The following SLC35F3 variants were observed in gnomAD, a reference collection of about 807,000 sequenced individuals.
SLC35F3 encodes the protein putative thiamine transporter SLC35F3.
In SLC35F3, 25 loss-of-function variants were observed where a neutral mutation model predicts 49.9. That is an observed-to-expected ratio of 0.50 (90% CI 0.37 to 0.70). The LOEUF (loss-of-function observed/expected upper bound fraction) is 0.70. SLC35F3 is among the 30% of genes least tolerant of loss of function. The pLI, the probability that SLC35F3 is intolerant of heterozygous loss-of-function variation, is 0.00. For synonymous variants in SLC35F3, 275 were observed against 265.4 expected (o/e 1.04, Z -0.35); for missense variants, 525 against 639.8 (o/e 0.82, Z 1.94).
At chr1:234,240,007 T>C (rs1667529283) in intron 3 of SLC35F3, among the ~76,000 whole-genome samples, 1 of 152,142 alleles carries the variant, frequency 6.6e-6, no homozygotes, top group Non-Finnish European at 1.5e-5. Flanking sequence ...GTGTAAAAAG[T>C]TCTAAACTGT....
chr1:233,993,471 AT>A (rs1663400032), intron 2 of SLC35F3, among the ~76,000 whole-genome samples: 1 of 152,210 alleles, frequency 6.6e-6, no homozygotes, highest in Non-Finnish European at 1.5e-5. Flanking sequence ...ATTCATCAAA[AT>A]TCTCTTTTAA....
At chr1:234,065,003 G>A (rs765681752) in intron 2 of SLC35F3, among the ~76,000 whole-genome samples, 29 of 152,174 alleles carry the variant, frequency 1.9e-4, no homozygotes, top group Non-Finnish European at 1.8e-4. Flanking sequence ...AAGTAACCTG[G>A]TTATAACAAA....
Position 234,204,212 on chromosome 1 carries a change from AAAAAAAAATAGAAACGGTG to A in SLC35F3, c.284-27202_284-27184del, listed in dbSNP as rs1666939518. Among the ~76,000 whole-genome samples the A allele has an allele frequency of 2.6e-5, 4 of 151,406 alleles. No homozygotes were observed. The East Asian group carries it at 5.8e-4, about 22-fold the overall frequency. ...ATATTCACATCAGTTTATTTTTTAGAAAAAAAAATAGAAACGGTGAATAAGAGGCCAGAACTTTGATATA... is the reference window on the plus strand; with the variant it reads ...ATATTCACATCAGTTTATTTTTTAGAAATAAGAGGCCAGAACTTTGATATA... On this transcript the variant is annotated intron_variant, in intron 2 of 7. Coordinates refer to ENST00000366618, the MANE Select transcript of SLC35F3 (RefSeq NM_173508.4).
intron 2 of SLC35F3, among the ~76,000 whole-genome samples, chr1:233,954,395 C>T (rs1312092489): frequency 6.6e-6 from 1 of 152,108 alleles, no homozygotes; most frequent in African/African-American, 2.4e-5. Context: ...GGCCAAATGC[C>T]CTGCACCATG....
At chr1:234,272,389 A>C (rs997906840) in intron 3 of SLC35F3, 5 of 152,242 alleles carry the variant, frequency 3.3e-5, no homozygotes, top group African/African-American at 1.2e-4. Context: ...CAAGTTAAGA[A>C]GTAGCACTTC....
intron 2 of SLC35F3, among the ~76,000 whole-genome samples, chr1:234,066,652 C>G (rs565476392): frequency 2.2e-4 from 34 of 152,242 alleles, no homozygotes; most frequent in Non-Finnish European, 4.7e-4. Context: ...TGCCCCTGCC[C>G]TACTTCTCAA....
At chr1:234,053,564 T>C (rs1402085902) in intron 2 of SLC35F3, among the ~76,000 whole-genome samples, 1 of 152,200 alleles carries the variant, frequency 6.6e-6, no homozygotes, top group Non-Finnish European at 1.5e-5. Context: ...CTCCTGAATA[T>C]AGCACACTGT....
intron 2 of SLC35F3, among the ~76,000 whole-genome samples, chr1:233,913,697 C>T (rs750371861): frequency 7.2e-5 from 11 of 152,202 alleles, no homozygotes; most frequent in Non-Finnish European, 1.5e-4. Flanking sequence ...TCTGTAGGGT[C>T]GTCCAGAATT....
At chr1:233,977,216 G>A (rs1663106852) in intron 2 of SLC35F3, among the ~76,000 whole-genome samples, 1 of 152,220 alleles carries the variant, frequency 6.6e-6, no homozygotes, top group Non-Finnish European at 1.5e-5. Flanking sequence ...TTGGAGCCTG[G>A]TGCTTCCCTT....
chr1:234,100,877 A>G (rs1205396929), intron 2 of SLC35F3, among the ~76,000 whole-genome samples: 3 of 152,148 alleles, frequency 2.0e-5, no homozygotes, highest in Non-Finnish European at 4.4e-5. Context: ...TAACTAGGCT[A>G]CTTTGTGATT....
chr1:234,020,945 A>G (rs982014130), intron 2 of SLC35F3, among the ~76,000 whole-genome samples: 1 of 152,212 alleles, frequency 6.6e-6, no homozygotes, highest in African/African-American at 2.4e-5. Flanking sequence ...CGAAATGCAA[A>G]ATTGATGTGG....
intron 2 of SLC35F3, among the ~76,000 whole-genome samples, chr1:234,040,436 CT>C (rs1664202830): frequency 6.6e-6 from 1 of 152,184 alleles, no homozygotes; most frequent in South Asian, 2.1e-4. Flanking sequence ...AGGTTTCAGG[CT>C]TTTTGACTTG....
intron 2 of SLC35F3, among the ~76,000 whole-genome samples, chr1:234,000,468 C>A (rs527731297): frequency 1.3e-5 from 2 of 152,290 alleles, no homozygotes; most frequent in Admixed American, 1.3e-4. Flanking sequence ...TCTTAATGTG[C>A]TTGGCCCAGT....
intron 2 of SLC35F3, among the ~76,000 whole-genome samples, chr1:234,029,557 A>G (rs1270748823): frequency 6.6e-6 from 1 of 152,168 alleles, no homozygotes; most frequent in African/African-American, 2.4e-5. Context: ...GGGAGACTAC[A>G]TTTACTGACA....
intron 3 of SLC35F3, among the ~76,000 whole-genome samples, chr1:234,247,307 G>A (rs61823368): frequency 6.6e-6 from 1 of 152,392 alleles, no homozygotes; most frequent in African/African-American, 2.4e-5. Context: ...TGTTGGGTTG[G>A]TCAGTTGATT....
intron 2 of SLC35F3, among the ~76,000 whole-genome samples, chr1:234,229,304 CAGTGTAGTGAGTTTGGTTCTA>C (rs1451048910): frequency 1.3e-5 from 2 of 151,610 alleles, no homozygotes; most frequent in African/African-American, 4.9e-5. Flanking sequence ...TTTCAAATAA[CAGTGTAGTGAGTTTGGTTCTA>C]AGTGTCTTAA....
chr1:234,062,760 A>C (rs1572037150), intron 2 of SLC35F3, among the ~76,000 whole-genome samples: 1 of 151,362 alleles, frequency 6.6e-6, no homozygotes, highest in East Asian at 1.9e-4. Context: ...TTTCCCTGCA[A>C]GCTCTGCCCC....
chr1:234,162,085 G>A (rs1361890351), intron 2 of SLC35F3, among the ~76,000 whole-genome samples: 1 of 152,070 alleles, frequency 6.6e-6, no homozygotes, highest in Non-Finnish European at 1.5e-5. Context: ...CCCTGCAGCA[G>A]GGCTCGCCAT....
intron 2 of SLC35F3, among the ~76,000 whole-genome samples, chr1:233,975,848 G>A (rs1663070854): frequency 6.6e-6 from 1 of 152,210 alleles, no homozygotes; most frequent in South Asian, 2.1e-4. Flanking sequence ...AGACCTGCCT[G>A]TACTGGCTTT....
Sources: allele counts gnomAD v4.1 joint callset (sites outside exome capture counted in the v4.1 genomes callset), GRCh38; gene constraint gnomAD v4.1.1; transcripts MANE v1.5; gene names NCBI Gene and HGNC (gene_info 2026-07-23, HGNC 2026-07-21).